The following PLD5 variants were observed in gnomAD, a reference collection of about 807,000 sequenced individuals.
PLD5 encodes inactive phospholipase D5.
PLD5 carries 36 observed loss-of-function variants against 61.1 expected under a neutral mutation model. The observed-to-expected ratio is 0.59, with a 90% CI of 0.45 to 0.78. PLD5 has a LOEUF of 0.78. Among genes scored for constraint, PLD5 ranks in the 30% least tolerant of loss-of-function variants. The pLI, the probability that PLD5 is intolerant of heterozygous loss-of-function variation, is 0.00. For synonymous variants in PLD5, 243 were observed against 242.8 expected (o/e 1.00, Z -0.01); for missense variants, 515 against 644.4 (o/e 0.80, Z 2.17).
chr1:242,099,352 C>G (rs1660504804), intron 9 of PLD5, among the ~76,000 whole-genome samples: 1 of 152,178 alleles, frequency 6.6e-6, no homozygotes, highest in Non-Finnish European at 1.5e-5. Context: ...GTCTTGAACT[C>G]CTGACCTCAG....
chr1:242,421,508 G>A (rs1665141984), intron 1 of PLD5, among the ~76,000 whole-genome samples: 2 of 152,134 alleles, frequency 1.3e-5, no homozygotes, highest in African/African-American at 2.4e-5. Context: ...ACATACTACT[G>A]ATGTTCCATT....
chr1:242,106,215 G>A (rs1000997933), intron 8 of PLD5, among the ~76,000 whole-genome samples: 2 of 152,158 alleles, frequency 1.3e-5, no homozygotes, highest in African/African-American at 4.8e-5. Context: ...TTAACCTGAT[G>A]TTAGGTATTT....
At chr1:242,104,480 T>C (rs542655780) in intron 8 of PLD5, among the ~76,000 whole-genome samples, 1 of 152,218 alleles carries the variant, frequency 6.6e-6, no homozygotes, top group African/African-American at 2.4e-5. Context: ...AAAAGGACTT[T>C]GTAACTGCAA....
intron 2 of PLD5, among the ~76,000 whole-genome samples, chr1:242,321,714 G>GTACATTA (rs1658424808): frequency 6.6e-6 from 1 of 152,010 alleles, no homozygotes; most frequent in Non-Finnish European, 1.5e-5. Flanking sequence ...CATTTTTTCT[G>GTACATTA]TACATCAAGA....
At chr1:242,368,843 T>C (rs569168142) in intron 1 of PLD5, among the ~76,000 whole-genome samples, 2 of 152,304 alleles carry the variant, frequency 1.3e-5, no homozygotes, top group African/African-American at 4.8e-5. Context: ...AGGATGCCCT[T>C]TGTTAGAAGA....
chr1:242,391,052 A>G (rs1335115616), intron 1 of PLD5, among the ~76,000 whole-genome samples: 1 of 152,048 alleles, frequency 6.6e-6, no homozygotes, highest in African/African-American at 2.4e-5. Context: ...AAAATTAGCC[A>G]GGTGTGGTGG....
At chr1:242,495,040 T>C (rs1317433636) in intron 1 of PLD5, among the ~76,000 whole-genome samples, 1 of 152,070 alleles carries the variant, frequency 6.6e-6, no homozygotes, top group Non-Finnish European at 1.5e-5. Flanking sequence ...TACTCTATCT[T>C]AGGTATAAAA....
chr1:242,297,237 A>G (rs138541472), intron 2 of PLD5, among the ~76,000 whole-genome samples: 3,351 of 150,340 alleles, frequency 0.022, 99 homozygotes, highest in African/African-American at 0.072. Context: ...CCAGCTATTC[A>G]GGAGGCTGAG....
intron 2 of PLD5, among the ~76,000 whole-genome samples, chr1:242,306,549 T>TA (rs36121635): frequency 0.86 from 118,529 of 137,094 alleles, 50,611 homozygotes; most frequent in South Asian, 0.89. Flanking sequence ...GATATATATA[T>TA]TTTTAACATA....
chr1:242,421,448 C>A (rs1665138007), intron 1 of PLD5, among the ~76,000 whole-genome samples: 1 of 152,158 alleles, frequency 6.6e-6, no homozygotes, highest in African/African-American at 2.4e-5. Context: ...GAAGGTCAAT[C>A]TGAACCTTGT....
Position 242,463,789 on chromosome 1 carries a change from TTACTCTACGCTGGATCACACTCA to T in PLD5, c.189+60276_189+60298del, listed in dbSNP as rs566231768. On this transcript the variant is annotated intron_variant, in intron 1 of 9. Coordinates refer to ENST00000536534, the MANE Select transcript of PLD5 (RefSeq NM_001372062.1). ...TTCTATGAAAAAAAAATCAATTTTC[TTACTCTACGCTGGATCACACTCA>T]TTAGCATACAGAATACTATTATTTT... is the stretch of plus-strand genomic sequence containing the variant. Among the ~76,000 whole-genome samples, 972 of 152,048 alleles carry T rather than the reference TTACTCTACGCTGGATCACACTCA, an allele frequency of 6.4e-3. 3 individuals carry two copies. Among genetic ancestry groups the T allele is most frequent in the Non-Finnish European group, 8.7e-3 (590 of 67,988 alleles).
At chr1:242,411,470 C>T (rs113789715) in intron 1 of PLD5, among the ~76,000 whole-genome samples, 5,011 of 152,154 alleles carry the variant, frequency 0.033, 291 homozygotes, top group African/African-American at 0.11. Flanking sequence ...CTCCTGACCT[C>T]GTGATCCACC....
chr1:242,293,644 G>A (rs532554403), intron 2 of PLD5, among the ~76,000 whole-genome samples: 39 of 152,192 alleles, frequency 2.6e-4, no homozygotes, highest in African/African-American at 9.4e-4. Context: ...CTGTATTACC[G>A]TTATTTGGTT....
intron 1 of PLD5, among the ~76,000 whole-genome samples, chr1:242,386,461 C>T (rs1306818470): frequency 1.3e-5 from 2 of 152,178 alleles, no homozygotes; most frequent in African/African-American, 2.4e-5. Context: ...CACAGCATCA[C>T]CTACCCAGTC....
intron 5 of PLD5, among the ~76,000 whole-genome samples, chr1:242,154,700 G>C (rs4658657): frequency 0.32 from 49,014 of 151,956 alleles, 8,091 homozygotes; most frequent in Non-Finnish European, 0.35. Context: ...AAGCTCACTT[G>C]GTCATGGTGG....
intron 5 of PLD5, among the ~76,000 whole-genome samples, chr1:242,198,846 T>G (rs891744055): frequency 3.9e-5 from 6 of 152,134 alleles, no homozygotes; most frequent in African/African-American, 1.4e-4. Context: ...GCGATTCTCC[T>G]GCCACAGCCT....
At chr1:242,113,794 G>A (rs1661729004) in intron 7 of PLD5, 96 bp downstream of exon 7, 12 of 1,414,672 alleles carry the variant, frequency 8.5e-6, no homozygotes, top group Non-Finnish European at 1.0e-5. Context: ...GCAACCTGAT[G>A]GCATCTCCAT....
intron 2 of PLD5, among the ~76,000 whole-genome samples, chr1:242,312,751 G>A (rs1191067166): frequency 6.6e-6 from 1 of 152,222 alleles, no homozygotes; most frequent in Non-Finnish European, 1.5e-5. Context: ...TTGGGCAGCA[G>A]GCCATCACAT....
intron 1 of PLD5, among the ~76,000 whole-genome samples, chr1:242,456,343 T>G (rs1024161615): frequency 6.6e-5 from 10 of 152,074 alleles, no homozygotes; most frequent in Non-Finnish European, 4.4e-5. Context: ...AAGATCCAGT[T>G]CCTTAGTCAC....
Sources: allele counts gnomAD v4.1 joint callset (sites outside exome capture counted in the v4.1 genomes callset), GRCh38; gene constraint gnomAD v4.1.1; transcripts MANE v1.5; gene names NCBI Gene and HGNC (gene_info 2026-07-23, HGNC 2026-07-21).